The following IGSF22 variants were observed in gnomAD, a reference collection of about 807,000 sequenced individuals.
IGSF22 encodes immunoglobulin superfamily member 22.
In IGSF22, 119 loss-of-function variants were observed where a neutral mutation model predicts 127.0. That is an observed-to-expected ratio of 0.94 (90% CI 0.81 to 1.09). IGSF22 has a LOEUF of 1.09. IGSF22 is among the 50% of genes least tolerant of loss of function. The pLI, the probability that IGSF22 is intolerant of heterozygous loss-of-function variation, is 0.00. For missense variants in IGSF22, 1,518 were observed against 1,716.6 expected (o/e 0.88, Z 2.04); for synonymous variants, 568 against 664.7 (o/e 0.85, Z 2.24).
chr11:18,721,769 C>T, intron 3 of IGSF22, 98 bp from the exon 4 acceptor site: 1 of 1,590,222 alleles, frequency 6.3e-7, no homozygotes, highest in Non-Finnish European at 8.6e-7. Context: ...ACACCTGGGC[C>T]TGGCCCCGGG....
intron 22 of IGSF22, chr11:18,704,750 A>C: frequency 3.6e-6 from 2 of 550,118 alleles, no homozygotes; most frequent in Non-Finnish European, 6.5e-6. Context: ...GTCTCATTTA[A>C]GCCTCATAGT....
chr11:18,721,886 G>A (rs1213868061), intron 3 of IGSF22, 24 bp downstream of exon 3: 2 of 1,610,978 alleles, frequency 1.2e-6, no homozygotes, highest in East Asian at 2.2e-5. Context: ...ACTGGAGCCC[G>A]GTGAGCCACA....
chr11:18,723,289 T>C (rs1848602795), intron 2 of IGSF22, among the ~76,000 whole-genome samples: 2 of 152,278 alleles, frequency 1.3e-5, no homozygotes, highest in Non-Finnish European at 2.9e-5. Flanking sequence ...AAGGTGACTC[T>C]GATGTGCGGC....
intron 21 of IGSF22, chr11:18,706,595 C>T (rs1276648031): frequency 5.4e-6 from 2 of 373,636 alleles, no homozygotes; most frequent in Non-Finnish European, 9.7e-6. Flanking sequence ...CCTCCCGGCT[C>T]CCTAGAGCCC....
chr11:18,713,533 A>T (rs553542606), intron 14 of IGSF22, among the ~76,000 whole-genome samples: 2 of 152,334 alleles, frequency 1.3e-5, no homozygotes, highest in African/African-American at 4.8e-5. Context: ...CTTCAAGTCA[A>T]TAACAATACT....
At position 18,704,392 on chromosome 11, in the gene IGSF22, A is replaced by T. The variant is rs139784643; in HGVS notation, c.*76T>A. On this transcript the variant is annotated 3_prime_UTR_variant, in exon 23 of 23. Transcript: ENST00000513874. ...CACCAGAGAGCAAACTGGGCTTCCT[A>T]CACTGGGCCATGCAGAGGACAGGCC... 4.5e-4 allele frequency: 433 copies of T among 952,998 alleles called. 4 individuals are homozygous for T. In the East Asian group the frequency reaches 0.011, roughly 25 times the overall value. 59.0% of individuals were successfully genotyped at this position (952,998 alleles called of 1,614,324 possible).
intron 1 of IGSF22, among the ~76,000 whole-genome samples, chr11:18,725,186 T>G (rs1036512422): frequency 2.6e-5 from 4 of 152,058 alleles, no homozygotes; most frequent in East Asian, 1.9e-4. Flanking sequence ...CGGTTTTTTT[T>G]GGGTGATCTC....
Position 18,714,060 on chromosome 11 carries a change from G to T in IGSF22, c.1887C>A (p.Val629=). 6.2e-7 allele frequency: 1 copy of T among 1,614,272 alleles called. No individual in the cohort carries two copies. Among genetic ancestry groups the T allele is most frequent in the Non-Finnish European group, 8.5e-7 (1 of 1,180,048 alleles). The part of the protein sequence containing the change: ...VKVGHTAHIK[V]PFRGKPLPKV... ...TGGGCAGTGGTTTTCCCCGGAAGGG[G>T]ACCTTGATGTGGGCCGTGTGGCCTA... The change falls in exon 14 of 23, where the codon GTC becomes GTA. Residue 629 remains valine (V), a synonymous_variant. Coordinates refer to ENST00000513874, the MANE Select transcript of IGSF22 (RefSeq NM_173588.4).
In IGSF22 at chr11:18,709,241, C is replaced by T; in HGVS notation, c.2998+146G>A. The T allele has an allele frequency of 1.3e-6, 1 of 794,554 alleles. No homozygotes were observed. The allele number at this position is 794,554 out of a possible 1,614,324, so 49.2% of individuals were successfully genotyped here. Reference sequence around the variant, plus strand: ...TTAGTAGGGGTGCCCCTGAAGTTACCCCTAACTTTGTCCAGGCACAACAAC... The same window carrying T: ...TTAGTAGGGGTGCCCCTGAAGTTACTCCTAACTTTGTCCAGGCACAACAAC... On this transcript the variant is annotated intron_variant, in intron 18 of 22. Coordinates refer to ENST00000513874, the MANE Select transcript of IGSF22 (RefSeq NM_173588.4). This position sits in a 1 kb window ranked among gnomAD's most constrained non-coding sequence, Gnocchi z 4.8.
At position 18,706,192 on chromosome 11, in the gene IGSF22, C is replaced by CCACCCACCA. The variant is rs1473726980; in HGVS notation, c.3581-55_3581-47dup. ...AGGCCGTGAGGGCGCCCCAAGGCCCCCACCCACCACCCACGTCTTACAGTT... is the reference window on the plus strand; with the variant it reads ...AGGCCGTGAGGGCGCCCCAAGGCCCCCACCCACCACACCCACCACCCACGTCTTACAGTT... On this transcript the variant is annotated intron_variant, in intron 21 of 22. Coordinates refer to ENST00000513874, the MANE Select transcript of IGSF22 (RefSeq NM_173588.4). 3.4e-6 allele frequency: 5 copies of CCACCCACCA among 1,465,810 alleles called. No homozygotes were observed. The Admixed American group carries it at 1.1e-4, about 31-fold the overall frequency. 90.8% of individuals were successfully genotyped at this position (1,465,810 alleles called of 1,614,324 possible).
Position 18,722,028 on chromosome 11 carries a change from C to A in IGSF22, c.123G>T (p.Arg41Ser). 6.2e-7 allele frequency: 1 copy of A among 1,614,008 alleles called. No individual in the cohort carries two copies. Among genetic ancestry groups the A allele is most frequent in the Non-Finnish European group, 8.5e-7 (1 of 1,180,044 alleles). The change falls in exon 3 of 23, where the codon AGG becomes AGT. Residue 41 changes from arginine to serine, a missense_variant. Physicochemically the swap from Arg to Ser is moderately radical, Grantham distance 110. Around this residue, in one of 3 missense-constraint regions of IGSF22, gnomAD observed 1,456 missense variants for 1,644.9 expected, o/e 0.89. Coordinates refer to ENST00000513874, the MANE Select transcript of IGSF22 (RefSeq NM_173588.4). ...TTKIVGEEVV[R>S]RKSSSIVEFF... ...ACTCCACTATGCTCGAGGACTTCCT[C>A]CTCACGACCTCCTCTGTGGGGGCAG...
chr11:18,706,882 G>A (rs1848246367), intron 21 of IGSF22, 32 bp downstream of exon 21: 8 of 1,462,982 alleles, frequency 5.5e-6, no homozygotes, highest in African/African-American at 1.4e-5. Flanking sequence ...AGGGCACCCA[G>A]ACTTAACCCT....
chr11:18,718,049 A>G lies in IGSF22; in HGVS notation c.855T>C (p.Asp285=), dbSNP rs753214941. 6.8e-6 allele frequency: 11 copies of G among 1,614,058 alleles called. No homozygotes were observed. The highest frequency in any genetic ancestry group is 6.7e-5 in the East Asian group (3 of 44,894). ...TGTACTTGGTGCCCATCTGCTTCAC[A>G]TCGTACTTGCCCAGGGAGTACTGGA... ...LRIQYSLGKY[D]VKQMGTKYML... is the part of the protein sequence containing the mutation. The change falls in exon 9 of 23, where the codon GAT becomes GAC. Residue 285 remains aspartate, a synonymous_variant. Coordinates refer to ENST00000513874, the MANE Select transcript of IGSF22 (RefSeq NM_173588.4).
Position 18,710,733 on chromosome 11 carries a change from G to A in IGSF22, c.2494C>T (p.Pro832Ser). 1 of 1,614,108 alleles carries A rather than the reference G, an allele frequency of 6.2e-7. No homozygotes were observed. The change falls in exon 16 of 23, where the codon CCA becomes TCA. Residue 832 changes from proline (P) to serine (S), a missense_variant. Physicochemically the swap from Pro to Ser is moderately conservative, Grantham distance 74. This residue lies in a region of IGSF22 where 1,456 missense variants were observed against 1,644.9 expected (regional missense o/e 0.89). Coordinates refer to ENST00000513874, the MANE Select transcript of IGSF22 (RefSeq NM_173588.4). ...CGTTCTACAATGTAGCCGAGCACTG[G>A]GGCTCCCCCATCCTGGGTAGGGGCA... ...WNAPTQDGGA[P>S]VLGYIVERRK...
intron 20 of IGSF22, 170 bp from the exon 21 acceptor site, chr11:18,707,383 C>T (rs1438565911): frequency 2.1e-5 from 13 of 606,342 alleles, no homozygotes; most frequent in African/African-American, 5.5e-5. Context: ...TTACTAGCCT[C>T]GTGACCTGGG....
At position 18,720,288 on chromosome 11, in the gene IGSF22, G is replaced by GGATCAAAGTCCGGCCA; in HGVS notation, c.379-19_379-4dup. 6.2e-7 allele frequency: 1 copy of GGATCAAAGTCCGGCCA among 1,613,522 alleles called. No individual in the cohort carries two copies. The highest frequency in any genetic ancestry group is 2.2e-5 in the East Asian group (1 of 44,880). On this transcript the variant is annotated splice_polypyrimidine_tract_variant and splice_region_variant and intron_variant, in intron 4 of 22. Coordinates refer to ENST00000513874, the MANE Select transcript of IGSF22 (RefSeq NM_173588.4). Reference sequence around the variant, plus strand: ...TCATCCGAAGTCAGTGGCTCCAGCTGGATCAAAGTCCGGCCATTAGTGGGG... The same window carrying GGATCAAAGTCCGGCCA: ...TCATCCGAAGTCAGTGGCTCCAGCTGGATCAAAGTCCGGCCAGATCAAAGTCCGGCCATTAGTGGGG...
rs1848534846 is a variant in IGSF22, at chr11:18,719,784, A to G, written c.628T>C (p.Tyr210His). The change falls in exon 7 of 23, where the codon TAT (tyrosine) becomes CAT (histidine). Residue 210 changes from tyrosine to histidine, a missense_variant. Coordinates refer to ENST00000513874, the MANE Select transcript of IGSF22 (RefSeq NM_173588.4). ...KKDFEKVCME[Y>H]GFTDFRGLLR... ...AGCCCCCGAAAGTCGGTGAAACCAT[A>G]CTCCATGCACACCTTCTCAAAGTCT... 1 of 1,613,996 alleles carries G rather than the reference A, an allele frequency of 6.2e-7. No individual in the cohort carries two copies. Among genetic ancestry groups the G allele is most frequent in the Non-Finnish European group, 8.5e-7 (1 of 1,180,006 alleles).
chr11:18,721,678 T>G lies in IGSF22; in HGVS notation c.242-7A>C. On this transcript the variant is annotated splice_region_variant and splice_polypyrimidine_tract_variant and intron_variant, in intron 3 of 22. Transcript: ENST00000513874. The stretch of plus-strand genomic sequence containing the variant: ...CGGAACACGGCTTTGTCCCCTGCGA[T>G]GAGCACAGGACGCGTTTTCGCCTCT... 1 of 1,614,192 alleles carries G rather than the reference T, an allele frequency of 6.2e-7. No individual in the cohort carries two copies. Among genetic ancestry groups the G allele is most frequent in the East Asian group, 2.2e-5 (1 of 44,886 alleles).
chr11:18,714,974 T>C (rs1295790941), intron 11 of IGSF22, among the ~76,000 whole-genome samples: 18 of 151,840 alleles, frequency 1.2e-4, no homozygotes, highest in Admixed American at 1.2e-3. Context: ...ATGCAGGTGG[T>C]TACTGGAGTT....
Sources: gnomAD v4.1 joint callset for allele counts (sites outside exome capture counted in the v4.1 genomes callset) on GRCh38, gnomAD v4.1.1 for gene constraint, gnomAD v4.1.1 regional missense constraint, Gnocchi (gnomAD v3.1) non-coding constraint, MANE v1.5 for transcripts, NCBI Gene and HGNC (gene_info 2026-07-23, HGNC 2026-07-21) for gene names.